Variants in PCDHA12 observed in about 807,000 individuals in gnomAD.
PCDHA12 encodes protocadherin alpha-12.
PCDHA12 carries 44 observed loss-of-function variants against 60.0 expected under a neutral mutation model. The ratio of observed to expected loss-of-function variants is 0.73; its 90% confidence interval spans 0.58 to 0.94. The LOEUF (loss-of-function observed/expected upper bound fraction) is 0.94. Ranked by LOEUF, PCDHA12 falls within the 40% of genes least tolerant of loss-of-function variation. The pLI is 0.00. For missense variants in PCDHA12, 1,276 were observed against 1,239.7 expected (o/e 1.03, Z -0.44); for synonymous variants, 569 against 553.0 (o/e 1.03, Z -0.40).
At chr5:140,908,348 T>C (rs977122453) in intron 1 of PCDHA12, among the ~76,000 whole-genome samples, 43 of 152,160 alleles carry the variant, frequency 2.8e-4, no homozygotes, top group Non-Finnish European at 5.3e-4. Flanking sequence ...CACTACCTCA[T>C]GTAACTTACT....
intron 1 of PCDHA12, chr5:140,968,545 G>C: frequency 6.2e-7 from 1 of 1,614,182 alleles, no homozygotes; most frequent in Non-Finnish European, 8.5e-7. Flanking sequence ...CCTTCGAGAT[G>C]GTGCCTCGAA....
chr5:140,883,453 C>T (rs138388360), intron 1 of PCDHA12: 46 of 1,614,168 alleles, frequency 2.8e-5, no homozygotes, highest in Non-Finnish European at 3.9e-5. Context: ...ATGTCCCCTT[C>T]AAGCTGGTGT....
rs2056113076 is a variant in PCDHA12, at chr5:140,876,101, T to C, written c.629T>C (p.Leu210Ser). ...LDREQTPKLN[L>S]LLMVIDGGKP... ...AGAGAGCAAACGCCAAAACTCAATT[T>C]ATTGCTGATGGTAATCGATGGCGGT... The change falls in exon 1 of 4, where the codon TTA becomes TCA. Residue 210 changes from leucine to serine, a missense_variant. Leu to Ser is a moderately radical substitution (Grantham distance 145). Coordinates refer to ENST00000398631, the MANE Select transcript of PCDHA12 (RefSeq NM_018903.4). 6.2e-7 allele frequency: 1 copy of C among 1,613,984 alleles called. No individual in the cohort carries two copies. Among genetic ancestry groups the C allele is most frequent in the East Asian group, 2.2e-5 (1 of 44,892 alleles).
intron 3 of PCDHA12, among the ~76,000 whole-genome samples, chr5:140,984,528 T>C (rs1187541000): frequency 7.2e-5 from 11 of 152,216 alleles, no homozygotes; most frequent in African/African-American, 2.4e-4. Flanking sequence ...ACAGTCTTCA[T>C]GGACTGTGCT....
At chr5:140,904,091 C>A (rs536225769) in intron 1 of PCDHA12, among the ~76,000 whole-genome samples, 16 of 152,082 alleles carry the variant, frequency 1.1e-4, no homozygotes, top group Non-Finnish European at 1.8e-4. Flanking sequence ...ACATGAATAA[C>A]TACTTTAGTG....
chr5:140,954,046 G>T (rs1554221229), intron 1 of PCDHA12, among the ~76,000 whole-genome samples: 1 of 152,124 alleles, frequency 6.6e-6, no homozygotes, highest in East Asian at 1.9e-4. Context: ...TTGGTTTTCT[G>T]TTCCTGCATT....
In PCDHA12 at chr5:140,993,861, T is replaced by G. The variant is rs143253452; in HGVS notation, c.2515+11298T>G. 3.2e-4 allele frequency among the ~76,000 whole-genome samples: 49 copies of G among 152,356 alleles called. No homozygotes were observed. In the East Asian group the frequency reaches 9.4e-3, roughly 29 times the overall value. On this transcript the variant is annotated intron_variant, in intron 3 of 3. Transcript: ENST00000398631. ...TAGGTATGTAGTAGGCTATGCCATC[T>G]AGGTTTGTGTAAGTACGCTCTATGA... is the stretch of plus-strand genomic sequence containing the variant.
At chr5:140,967,188 TCAACGA>T in intron 1 of PCDHA12, 1 of 1,613,420 alleles carries the variant, frequency 6.2e-7, no homozygotes, top group Non-Finnish European at 8.5e-7. Flanking sequence ...ATATTGGACA[TCAACGA>T]CAACTCACCG....
chr5:140,928,989 A>C (rs1554206541), intron 1 of PCDHA12: 2 of 1,613,706 alleles, frequency 1.2e-6, no homozygotes, highest in Non-Finnish European at 1.7e-6. Flanking sequence ...TGGGGTGCTT[A>C]CTTTTCTTCG....
intron 1 of PCDHA12, among the ~76,000 whole-genome samples, chr5:140,926,161 A>C (rs1205520517): frequency 6.6e-6 from 1 of 151,712 alleles, no homozygotes. Flanking sequence ...GCTCTGCAGC[A>C]GGATCCAGCG....
At chr5:140,907,392 A>G (rs1362391388) in intron 1 of PCDHA12, among the ~76,000 whole-genome samples, 1 of 152,202 alleles carries the variant, frequency 6.6e-6, no homozygotes, top group Non-Finnish European at 1.5e-5. Context: ...GTCAAAGGCA[A>G]TGCTGTGTGG....
At position 140,963,092 on chromosome 5, in the gene PCDHA12, C is replaced by T. The variant is rs1202521389; in HGVS notation, c.2368-15857C>T. Among the ~76,000 whole-genome samples, 3 of 151,976 alleles carry T rather than the reference C, an allele frequency of 2.0e-5. No homozygotes were observed. The South Asian group carries it at 6.2e-4, about 32-fold the overall frequency. On this transcript the variant is annotated intron_variant, in intron 1 of 3. Transcript: ENST00000398631. Reference sequence around the variant, plus strand: ...GGAGACAGAAATATAAGACATGGCTCCTGCTTTCAGGTTGCTTATAATTAA... The same window carrying T: ...GGAGACAGAAATATAAGACATGGCTTCTGCTTTCAGGTTGCTTATAATTAA...
chr5:140,988,051 T>C (rs903060920), intron 3 of PCDHA12, among the ~76,000 whole-genome samples: 2 of 152,240 alleles, frequency 1.3e-5, no homozygotes, highest in African/African-American at 2.4e-5. Flanking sequence ...TTAGGAGCAC[T>C]GTCAACATGA....
chr5:140,966,714 G>C, intron 1 of PCDHA12: 1 of 1,394,064 alleles, frequency 7.2e-7, no homozygotes, highest in South Asian at 1.6e-5. Flanking sequence ...GGCACGGCTG[G>C]GGAAGCTGCC....
intron 1 of PCDHA12, among the ~76,000 whole-genome samples, chr5:140,921,713 A>T (rs1247257514): frequency 2.0e-5 from 3 of 152,174 alleles, no homozygotes; most frequent in Non-Finnish European, 4.4e-5. Flanking sequence ...CAGTAAACAC[A>T]CGAATTACTC....
At chr5:140,879,136 T>C (rs1225791251) in intron 1 of PCDHA12, among the ~76,000 whole-genome samples, 4 of 152,206 alleles carry the variant, frequency 2.6e-5, no homozygotes, top group Admixed American at 2.6e-4. Flanking sequence ...GGGGAGATTG[T>C]GAAGGCAGGA....
chr5:140,935,828 A>G (rs1365293166), intron 1 of PCDHA12, among the ~76,000 whole-genome samples: 1 of 152,004 alleles, frequency 6.6e-6, no homozygotes, highest in Non-Finnish European at 1.5e-5. Context: ...GTATTTACAC[A>G]TATTCCATAC....
intron 1 of PCDHA12, among the ~76,000 whole-genome samples, chr5:140,956,484 A>G (rs868955895): frequency 1.3e-5 from 2 of 152,226 alleles, no homozygotes; most frequent in South Asian, 2.1e-4. Flanking sequence ...CCAGTCTTGC[A>G]TCCCAGGGAT....
At chr5:140,928,397 C>T in intron 1 of PCDHA12, 1 of 1,614,082 alleles carries the variant, frequency 6.2e-7, no homozygotes, top group East Asian at 2.2e-5. Context: ...GCAGTGGAAT[C>T]ATCCAGTGGG....
Sources: allele counts gnomAD v4.1 joint callset (sites outside exome capture counted in the v4.1 genomes callset), GRCh38; gene constraint gnomAD v4.1.1; transcripts MANE v1.5; gene names NCBI Gene and HGNC (gene_info 2026-07-23, HGNC 2026-07-21).